The following FMNL2 variants were observed in gnomAD, a reference collection of about 807,000 sequenced individuals.
The protein encoded by FMNL2 is formin-like protein 2.
Under a neutral mutation model 130.2 loss-of-function variants are expected in FMNL2, and 51 were observed. The ratio of observed to expected loss-of-function variants is 0.39; its 90% CI spans 0.31 to 0.49. FMNL2 has a LOEUF of 0.49. FMNL2 is among the 20% of genes least tolerant of loss of function. The probability of loss-of-function intolerance (pLI) is 0.85; values close to 1 mark genes in which losing one functional copy is unlikely to be tolerated. For synonymous variants in FMNL2, 465 were observed against 467.1 expected (o/e 1.00, Z 0.06); for missense variants, 977 against 1,316.2 (o/e 0.74, Z 3.99).
chr2:152,574,504 T>G (rs986053837), intron 6 of FMNL2, among the ~76,000 whole-genome samples: 5 of 151,548 alleles, frequency 3.3e-5, no homozygotes, highest in Non-Finnish European at 7.4e-5. Flanking sequence ...ATAATGAAAC[T>G]GTATTAATAT....
rs543714764 is a variant in FMNL2 at position 152,335,361 on chromosome 2, T to G, written c.-243T>G. ...AGGCGCCCAGCGCCCCAACTACCCC[T>G]CCCGAGGAAAAGAGGCCGGGGCCGC... is the stretch of plus-strand genomic sequence containing the variant. On this transcript the variant is annotated 5_prime_UTR_variant, in exon 1 of 26. Coordinates refer to ENST00000288670, the MANE Select transcript of FMNL2 (RefSeq NM_052905.4). The G allele has an allele frequency of 4.1e-6, 1 of 243,848 alleles. No individual in the cohort carries two copies. The highest frequency in any genetic ancestry group is 7.7e-6 in the Non-Finnish European group (1 of 129,618). 15.1% of individuals were successfully genotyped at this position (243,848 alleles called of 1,614,324 possible).
chr2:152,478,871 C>A (rs928854359), intron 1 of FMNL2, among the ~76,000 whole-genome samples: 2 of 152,036 alleles, frequency 1.3e-5, no homozygotes, highest in African/African-American at 4.8e-5. Context: ...AACTTTGTGA[C>A]CTGGTGAATT....
intron 10 of FMNL2, among the ~76,000 whole-genome samples, chr2:152,609,243 A>G (rs906420719): frequency 6.6e-6 from 1 of 152,212 alleles, no homozygotes; most frequent in Non-Finnish European, 1.5e-5. Context: ...CACAAGTTCT[A>G]TGTGCTAGAT....
rs75502090 is a variant in FMNL2 at position 152,645,664 on chromosome 2, G to A, written c.3170-2132G>A. On this transcript the variant is annotated intron_variant, in intron 25 of 25. Coordinates refer to ENST00000288670, the MANE Select transcript of FMNL2 (RefSeq NM_052905.4). ...CTCACATTCCAATGATGCAGGGATT[G>A]AGCCTCTCTGTTGGACTCTTTCTCG... 1,113 of 424,162 alleles carry A rather than the reference G, an allele frequency of 2.6e-3. 7 individuals carry two copies. Among genetic ancestry groups the A allele is most frequent in the African/African-American group, 0.021 (1,022 of 48,006 alleles). The allele number at this position is 424,162 out of a possible 1,614,324, so 26.3% of individuals were successfully genotyped here. A position where few individuals can be genotyped will look rare whatever the true frequency, so the allele number is the denominator to read the frequency against.
chr2:152,568,223 T>TTTTTTTTTTGTTTTGTTTTTG (rs11275578), intron 6 of FMNL2, among the ~76,000 whole-genome samples: 81,659 of 131,428 alleles, frequency 0.62, 25,367 homozygotes, highest in Non-Finnish European at 0.68. Context: ...GGTGGGTTTT[T>TTTTTTTTTTGTTTTGTTTTTG]TTTTTTTTTT....
At chr2:152,406,428 G>C (rs1032090422) in intron 1 of FMNL2, among the ~76,000 whole-genome samples, 1 of 152,186 alleles carries the variant, frequency 6.6e-6, no homozygotes, top group Non-Finnish European at 1.5e-5. Flanking sequence ...AAAGAGACTG[G>C]TGTGTGGGAG....
intron 2 of FMNL2, among the ~76,000 whole-genome samples, chr2:152,538,420 C>T (rs1424697824): frequency 1.3e-5 from 2 of 152,248 alleles, no homozygotes; most frequent in East Asian, 3.9e-4. Flanking sequence ...GCTGGGATTA[C>T]AGGCACGCGC....
At chr2:152,364,060 T>C (rs1470649882) in intron 1 of FMNL2, among the ~76,000 whole-genome samples, 1 of 152,140 alleles carries the variant, frequency 6.6e-6, no homozygotes, top group Non-Finnish European at 1.5e-5. Flanking sequence ...GCTCATGAGG[T>C]AGTTGCCTGA....
At chr2:152,524,530 CATTATTA>C (rs1028174799) in intron 2 of FMNL2, among the ~76,000 whole-genome samples, 20 of 152,142 alleles carry the variant, frequency 1.3e-4, no homozygotes, top group African/African-American at 4.3e-4. Flanking sequence ...CCCATGAAGA[CATTATTA>C]ATTTAAGGAC....
At chr2:152,638,602 T>G (rs1160023814) in intron 23 of FMNL2, among the ~76,000 whole-genome samples, 2 of 152,226 alleles carry the variant, frequency 1.3e-5, no homozygotes, top group African/African-American at 4.8e-5. Context: ...CATGGCTTAA[T>G]GTAGCAGTAG....
chr2:152,622,616 T>C (rs1021400362), intron 15 of FMNL2: 1 of 456,586 alleles, frequency 2.2e-6, no homozygotes, highest in African/African-American at 2.0e-5. Flanking sequence ...TTGGTCACAC[T>C]GTGCCTTGAC....
At chr2:152,490,150 G>A (rs145486608) in intron 1 of FMNL2, among the ~76,000 whole-genome samples, 3 of 151,998 alleles carry the variant, frequency 2.0e-5, no homozygotes, top group African/African-American at 2.4e-5. Flanking sequence ...TGTTAATTTC[G>A]CCATGGTAGA....
chr2:152,467,586 T>C (rs1689624212), intron 1 of FMNL2, among the ~76,000 whole-genome samples: 1 of 152,162 alleles, frequency 6.6e-6, no homozygotes, highest in African/African-American at 2.4e-5. Flanking sequence ...GTGCACTCGT[T>C]TGGATAGTAT....
chr2:152,383,166 A>C (rs932066207), intron 1 of FMNL2, among the ~76,000 whole-genome samples: 2 of 151,616 alleles, frequency 1.3e-5, no homozygotes, highest in Non-Finnish European at 2.9e-5. Context: ...TCTGGGAGAG[A>C]TGCGGATATT....
At chr2:152,518,873 G>A (rs1245437253) in intron 1 of FMNL2, among the ~76,000 whole-genome samples, 1 of 152,090 alleles carries the variant, frequency 6.6e-6, no homozygotes, top group Admixed American at 6.5e-5. Flanking sequence ...GAAAAACAAC[G>A]TCATTATGTT....
At chr2:152,561,575 CTTTT>C (rs139322536) in intron 6 of FMNL2, among the ~76,000 whole-genome samples, 10 of 140,196 alleles carry the variant, frequency 7.1e-5, no homozygotes, top group African/African-American at 8.0e-5. Flanking sequence ...ACTTGTCAAC[CTTTT>C]TTTTTTTTTT....
intron 9 of FMNL2, among the ~76,000 whole-genome samples, chr2:152,585,355 G>T (rs1002483684): frequency 6.6e-6 from 1 of 152,074 alleles, no homozygotes; most frequent in African/African-American, 2.4e-5. Context: ...TGTTTTCTTA[G>T]TTGTGTGGCA....
At chr2:152,485,773 C>T (rs1246667361) in intron 1 of FMNL2, among the ~76,000 whole-genome samples, 1 of 152,164 alleles carries the variant, frequency 6.6e-6, no homozygotes, top group Non-Finnish European at 1.5e-5. Context: ...GCGGCATCTC[C>T]ATTTCGCCTA....
intron 1 of FMNL2, among the ~76,000 whole-genome samples, chr2:152,351,946 C>G (rs1419938026): frequency 6.6e-6 from 1 of 152,138 alleles, no homozygotes; most frequent in Non-Finnish European, 1.5e-5. Context: ...TCTCTAATGA[C>G]TAGTGATGAT....
Sources: gnomAD v4.1 joint callset for allele counts (sites outside exome capture counted in the v4.1 genomes callset) on GRCh38, gnomAD v4.1.1 for gene constraint, MANE v1.5 for transcripts, NCBI Gene and HGNC (gene_info 2026-07-23, HGNC 2026-07-21) for gene names.